UNC13C: variants seen among roughly 807,000 people sequenced by gnomAD.
UNC13C encodes protein unc-13 homolog C.
UNC13C carries 174 observed loss-of-function variants against 245.4 expected under a neutral mutation model. The observed-to-expected ratio is 0.71, with a 90% CI of 0.63 to 0.80. The LOEUF is 0.80. Among genes scored for constraint, UNC13C ranks in the 30% least tolerant of loss-of-function variants. The pLI is 0.00. For missense variants in UNC13C, 2,829 were observed against 2,602.9 expected (o/e 1.09, Z -1.89); for synonymous variants, 992 against 895.1 (o/e 1.11, Z -1.93).
At position 54,100,502 on chromosome 15, in the gene UNC13C, C is replaced by T. The variant is rs529328189; in HGVS notation, c.2984-42516C>T. 4.6e-5 allele frequency among the ~76,000 whole-genome samples: 7 copies of T among 152,196 alleles called. No homozygotes were observed. The South Asian group carries it at 1.2e-3, about 27-fold the overall frequency. On this transcript the variant is annotated intron_variant, in intron 2 of 32. Transcript: ENST00000260323. ...GGGCATTTCAGGCCTTTGACCTGGG[C>T]CCCTTTCTCTTCTCCATTTACACTC... is the stretch of plus-strand genomic sequence containing the variant.
intron 26 of UNC13C, among the ~76,000 whole-genome samples, chr15:54,536,757 A>G (rs1303742368): frequency 6.6e-6 from 1 of 152,138 alleles, no homozygotes; most frequent in East Asian, 1.9e-4. Flanking sequence ...AGATGCAGAA[A>G]AGGCTTTCAA....
At chr15:54,329,968 T>C (rs1292091753) in intron 14 of UNC13C, among the ~76,000 whole-genome samples, 1 of 152,082 alleles carries the variant, frequency 6.6e-6, no homozygotes, top group Non-Finnish European at 1.5e-5. Flanking sequence ...AGGTAGGGAA[T>C]TCAGAGCTGG....
intron 2 of UNC13C, among the ~76,000 whole-genome samples, chr15:54,099,960 TGTG>T (rs1362752487): frequency 3.3e-5 from 5 of 151,714 alleles, no homozygotes; most frequent in East Asian, 1.9e-4. Flanking sequence ...ATTAGCCAGG[TGTG>T]GTGGTGGGCA....
intron 14 of UNC13C, among the ~76,000 whole-genome samples, chr15:54,325,148 C>T (rs754412042): frequency 5.3e-5 from 8 of 151,764 alleles, no homozygotes; most frequent in South Asian, 2.1e-4. Context: ...CATTAAAAAT[C>T]GAGTTTTTAT....
Position 54,265,448 on chromosome 15 carries a change from A to G in UNC13C, c.3770A>G (p.Lys1257Arg). The change falls in exon 10 of 33, where the codon AAA becomes AGA. Residue 1257 changes from lysine to arginine, a missense_variant. Lys to Arg is a conservative substitution (Grantham distance 26). Coordinates refer to ENST00000260323, the MANE Select transcript of UNC13C (RefSeq NM_001080534.3). ...GTTGGAAAGAACAAAAGAAGAACAAAAACCATTTTTGGAAATTTGAATCCA... is the reference window on the plus strand; with the variant it reads ...GTTGGAAAGAACAAAAGAAGAACAAGAACCATTTTTGGAAATTTGAATCCA... Reference protein sequence around the residue: ...VQVGKNKRRTKTIFGNLNPVW... With the variant: ...VQVGKNKRRTRTIFGNLNPVW... 6.4e-7 allele frequency: 1 copy of G among 1,569,916 alleles called. No individual in the cohort carries two copies. The highest frequency in any genetic ancestry group is 8.7e-7 in the Non-Finnish European group (1 of 1,154,956).
chr15:54,395,247 C>T (rs1303404439), intron 18 of UNC13C, among the ~76,000 whole-genome samples: 2 of 151,628 alleles, frequency 1.3e-5, no homozygotes, highest in Non-Finnish European at 3.0e-5. Context: ...TCCTGGTGGC[C>T]AATGTTGCAT....
chr15:54,001,947 C>G (rs1440500115), intron 1 of UNC13C, among the ~76,000 whole-genome samples: 1 of 152,192 alleles, frequency 6.6e-6, no homozygotes, highest in Admixed American at 6.5e-5. Context: ...CTGATGTTAT[C>G]CCACTTGAAC....
chr15:54,357,526 T>C (rs2039123086), intron 17 of UNC13C, among the ~76,000 whole-genome samples: 1 of 151,954 alleles, frequency 6.6e-6, no homozygotes, highest in African/African-American at 2.4e-5. Flanking sequence ...TTTAGCATTA[T>C]ACATTTAAAC....
At position 54,333,825 on chromosome 15, in the gene UNC13C, T is replaced by G; in HGVS notation, c.4553T>G (p.Leu1518Arg). The G allele has an allele frequency of 6.2e-7, 1 of 1,605,968 alleles. No homozygotes were observed. Among genetic ancestry groups the G allele is most frequent in the African/African-American group, 1.3e-5 (1 of 74,926 alleles). Residue 1518 changes from leucine (L) to arginine (R), a missense_variant, in exon 16 of 33, where the codon CTG becomes CGG. Physicochemically the swap from Leu to Arg is moderately radical, Grantham distance 102. Transcript: ENST00000260323. ...CAAGACCTGAAATCAACTGTTGACC[T>G]GTTAACAAGTATCACCTTTTTTAGG... ...RLQDLKSTVD[L>R]LTSITFFRMK...
intron 2 of UNC13C, among the ~76,000 whole-genome samples, chr15:54,023,874 G>A (rs907349125): frequency 6.6e-6 from 1 of 152,164 alleles, no homozygotes; most frequent in Admixed American, 6.5e-5. Flanking sequence ...AAGAAATGAT[G>A]TTATGTCAAA....
At chr15:54,589,472 T>C (rs1898665551) in intron 30 of UNC13C, among the ~76,000 whole-genome samples, 1 of 151,630 alleles carries the variant, frequency 6.6e-6, no homozygotes, top group African/African-American at 2.4e-5. Flanking sequence ...TTAATTTTTG[T>C]ATTTTTAGTA....
rs559681823 is a variant in UNC13C, at chr15:54,516,774, T to C, written c.5457+4944T>C. On this transcript the variant is annotated intron_variant, in intron 24 of 32. Transcript: ENST00000260323. Reference sequence around the variant, plus strand: ...GAGATCGCACCACGGCACTCCAGCCTGGAAAACGGAGTGAGATGCTGTCTC... The same window carrying C: ...GAGATCGCACCACGGCACTCCAGCCCGGAAAACGGAGTGAGATGCTGTCTC... Among the ~76,000 whole-genome samples, 11 of 135,922 alleles carry C rather than the reference T, an allele frequency of 8.1e-5. No individual in the cohort carries two copies. The East Asian group carries it at 1.5e-3, about 18-fold the overall frequency. The allele number at this position is 135,922 out of a possible 152,430, so 89.2% of individuals were successfully genotyped here.
the UNC13C span, among the ~76,000 whole-genome samples, chr15:53,945,426 A>G: frequency 1.2e-3 from 181 of 152,092 alleles, 1 homozygote; most frequent in South Asian, 2.7e-3. Context: ...TATATATAAT[A>G]TAAAGAAGGG....
rs145595337 is a variant in UNC13C, at chr15:54,226,959, G to A, written c.3072-8071G>A. On this transcript the variant is annotated intron_variant, in intron 4 of 32. Transcript: ENST00000260323. ...TCTTCTCCTTCTCATTACCCACAGC[G>A]TGGCAAGCAGGGAAGGGTAGGGGGC... Among the ~76,000 whole-genome samples, 1,388 of 152,168 alleles carry A rather than the reference G, an allele frequency of 9.1e-3. 19 individuals are homozygous for A. Among genetic ancestry groups the A allele is most frequent in the Non-Finnish European group, 0.011 (721 of 68,024 alleles).
In UNC13C at chr15:54,049,891, A is replaced by G. The variant is rs142168072; in HGVS notation, c.2983+34005A>G. On this transcript the variant is annotated intron_variant, in intron 2 of 32. Coordinates refer to ENST00000260323, the MANE Select transcript of UNC13C (RefSeq NM_001080534.3). Reference sequence around the variant, plus strand: ...TTATATTTACAGTCTTCACCAGCAGATAAGATTATTGACTGAGTTCCAATC... The same window carrying G: ...TTATATTTACAGTCTTCACCAGCAGGTAAGATTATTGACTGAGTTCCAATC... 877 of 233,764 alleles carry G rather than the reference A, an allele frequency of 3.8e-3. 3 individuals are homozygous for G. The highest frequency in any genetic ancestry group is 6.4e-3 in the Non-Finnish European group (720 of 111,984). 14.5% of individuals were successfully genotyped at this position (233,764 alleles called of 1,614,324 possible).
intron 4 of UNC13C, among the ~76,000 whole-genome samples, chr15:54,183,254 GA>G: frequency 6.6e-6 from 1 of 151,474 alleles, no homozygotes; most frequent in South Asian, 2.1e-4. Context: ...TTGAGTTTAA[GA>G]AAAACATTAA....
intron 1 of UNC13C, among the ~76,000 whole-genome samples, chr15:53,999,905 T>C (rs963795511): frequency 3.9e-5 from 6 of 152,214 alleles, no homozygotes; most frequent in African/African-American, 1.4e-4. Context: ...TCACGATATA[T>C]GCTCTGTAAG....
At chr15:54,455,349 G>T (rs1891459972) in intron 19 of UNC13C, among the ~76,000 whole-genome samples, 1 of 149,790 alleles carries the variant, frequency 6.7e-6, no homozygotes, top group South Asian at 2.1e-4. Flanking sequence ...TCAAATAATG[G>T]CTTAATTTTT....
At chr15:54,021,702 C>A (rs949112468) in intron 2 of UNC13C, among the ~76,000 whole-genome samples, 4 of 152,130 alleles carry the variant, frequency 2.6e-5, no homozygotes. Flanking sequence ...GGATATGCAG[C>A]CCTGAGATGC....
Sources: gnomAD v4.1 joint callset for allele counts (sites outside exome capture counted in the v4.1 genomes callset) on GRCh38, gnomAD v4.1.1 for gene constraint, MANE v1.5 for transcripts, NCBI Gene and HGNC (gene_info 2026-07-23, HGNC 2026-07-21) for gene names.